Variants in MYBPC1 observed in about 807,000 individuals in gnomAD.
MYBPC1 encodes the protein myosin binding protein C1.
MYBPC1 carries 52 observed loss-of-function variants against 147.1 expected under a neutral mutation model. The observed-to-expected ratio is 0.35, with a 90% CI of 0.28 to 0.45. The LOEUF (loss-of-function observed/expected upper bound fraction) is 0.45. MYBPC1 is among the 20% of genes least tolerant of loss of function. The pLI, the probability that MYBPC1 is intolerant of heterozygous loss-of-function variation, is 1.00. For missense variants in MYBPC1, 1,228 were observed against 1,440.3 expected (o/e 0.85, Z 2.39); for synonymous variants, 477 against 475.9 (o/e 1.00, Z -0.03).
intron 12 of MYBPC1, among the ~76,000 whole-genome samples, chr12:101,645,868 A>G (rs958413039): frequency 4.6e-5 from 7 of 152,226 alleles, no homozygotes; most frequent in African/African-American, 1.7e-4. Flanking sequence ...AGTACATGTA[A>G]CTGTATGATA....
intron 25 of MYBPC1, 78 bp downstream of exon 25, chr12:101,673,700 CAGG>C: frequency 6.6e-7 from 1 of 1,506,148 alleles, no homozygotes; most frequent in East Asian, 2.3e-5. Context: ...AAGGCAAGAG[CAGG>C]AGTTTTGTTA....
downstream of MYBPC1, among the ~76,000 whole-genome samples, chr12:101,687,189 C>T (rs1417395842): frequency 6.6e-6 from 1 of 152,052 alleles, no homozygotes; most frequent in East Asian, 1.9e-4. Flanking sequence ...TCATCATTTA[C>T]ATTAGGTATA....
chr12:101,684,509 T>C, intron 31 of MYBPC1, 85 bp downstream of exon 31: 1 of 1,013,748 alleles, frequency 9.9e-7, no homozygotes, highest in Non-Finnish European at 1.5e-6. Flanking sequence ...TGATTTTCAT[T>C]ACATAATCCA....
intron 15 of MYBPC1, chr12:101,650,855 T>TCGCC: frequency 9.3e-6 from 3 of 322,512 alleles, no homozygotes; most frequent in Non-Finnish European, 1.8e-5. Context: ...TGAACTGTTG[T>TCGCC]GAAGCAGTAG....
chr12:101,693,417 A>G, the MYBPC1 span, among the ~76,000 whole-genome samples: 1 of 152,186 alleles, frequency 6.6e-6, no homozygotes, highest in African/African-American at 2.4e-5. Context: ...GGCCCCCCAC[A>G]ATACCCACTC....
intron 24 of MYBPC1, among the ~76,000 whole-genome samples, chr12:101,671,025 A>G (rs1254423696): frequency 6.6e-6 from 1 of 151,658 alleles, no homozygotes; most frequent in African/African-American, 2.4e-5. Flanking sequence ...CTTACTCTCC[A>G]ACTCCCTATT....
At chr12:101,659,292 C>A (rs1345585786) in intron 18 of MYBPC1, among the ~76,000 whole-genome samples, 2 of 152,200 alleles carry the variant, frequency 1.3e-5, no homozygotes, top group Non-Finnish European at 2.9e-5. Flanking sequence ...AGGGATTCCT[C>A]TCCTAGAATG....
chr12:101,650,319 C>T (rs534593941), intron 15 of MYBPC1, among the ~76,000 whole-genome samples: 136 of 152,224 alleles, frequency 8.9e-4, no homozygotes, highest in East Asian at 9.6e-4. Context: ...TTTATTAGTC[C>T]GTTCTCATGC....
intron 17 of MYBPC1, 55 bp downstream of exon 17, chr12:101,652,839 C>T: frequency 7.0e-7 from 1 of 1,428,936 alleles, no homozygotes; most frequent in East Asian, 2.3e-5. Context: ...TTTGCTTTTG[C>T]TTACCATGGA....
At chr12:101,631,912 A>G in intron 7 of MYBPC1, 109 bp from the exon 8 acceptor site, 1 of 1,293,032 alleles carries the variant, frequency 7.7e-7, no homozygotes, top group Non-Finnish European at 1.1e-6. Flanking sequence ...GCCCTCCTAT[A>G]GTGAGAACAT....
At chr12:101,651,428 G>T (rs1302040900) in intron 16 of MYBPC1, 35 bp downstream of exon 16, 2 of 1,612,008 alleles carry the variant, frequency 1.2e-6, no homozygotes, top group East Asian at 4.5e-5. Flanking sequence ...GTGAGGTTTG[G>T]TCCCATTTCT....
chr12:101,673,310 G>A (rs190279633), intron 24 of MYBPC1, 117 bp from the exon 25 acceptor site: 214 of 991,034 alleles, frequency 2.2e-4, no homozygotes, highest in Non-Finnish European at 1.3e-4. Context: ...GACTAGAAGG[G>A]TGGTATTTTC....
rs556762061 is a variant in MYBPC1, at chr12:101,662,478, G to A, written c.2153G>A (p.Arg718His). The A allele has an allele frequency of 3.9e-5, 63 of 1,614,080 alleles. No homozygotes were observed. The highest frequency in any genetic ancestry group is 5.1e-5 in the Non-Finnish European group (60 of 1,180,050). The change falls in exon 21 of 32, where the codon CGC becomes CAC. Residue 718 changes from arginine to histidine, a missense_variant. Around this residue, in one of 2 missense-constraint regions of MYBPC1, gnomAD observed 1,077 missense variants for 1,314.2 expected, o/e 0.82. Coordinates refer to ENST00000361466, the MANE Select transcript of MYBPC1 (RefSeq NM_002465.4). ...KMIEGVAYEVRIFAVNAIGIS... is the reference protein window; with the variant it reads ...KMIEGVAYEVHIFAVNAIGIS... The stretch of plus-strand genomic sequence containing the variant: ...ATTGAAGGTGTGGCCTATGAGGTCC[G>A]CATCTTTGCAGTCAATGCCATTGGC...
chr12:101,600,115 C>G (rs11110879), intron 1 of MYBPC1, among the ~76,000 whole-genome samples: 1 of 152,166 alleles, frequency 6.6e-6, no homozygotes. Flanking sequence ...AAGAAATTCC[C>G]TCTTGTTCCC....
intron 28 of MYBPC1, among the ~76,000 whole-genome samples, chr12:101,680,025 C>T (rs1467893580): frequency 6.6e-6 from 1 of 152,082 alleles, no homozygotes; most frequent in Non-Finnish European, 1.5e-5. Flanking sequence ...CATTCGATGC[C>T]CAGAACTTGT....
At chr12:101,599,611 G>A (rs78539297) in intron 1 of MYBPC1, among the ~76,000 whole-genome samples, 2,947 of 152,252 alleles carry the variant, frequency 0.019, 91 homozygotes, top group African/African-American at 0.068. Flanking sequence ...TCTTTGGAAA[G>A]TCATCTTATA....
chr12:101,664,353 C>A (rs1307307871), intron 22 of MYBPC1: 1 of 152,168 alleles, frequency 6.6e-6, no homozygotes, highest in East Asian at 1.9e-4. Context: ...TTGAAAATGG[C>A]TCTGGACTTG....
chr12:101,618,573 T>C (rs1565903830), intron 3 of MYBPC1, among the ~76,000 whole-genome samples: 1 of 152,192 alleles, frequency 6.6e-6, no homozygotes, highest in Admixed American at 6.5e-5. Context: ...GAGCAGATGA[T>C]GTAATCCCAG....
chr12:101,662,298 G>A, intron 20 of MYBPC1, 60 bp from the exon 21 acceptor site: 3 of 1,565,956 alleles, frequency 1.9e-6, no homozygotes, highest in Non-Finnish European at 1.7e-6. Flanking sequence ...TCTATTATCT[G>A]ACAATGTTTA....
Sources: gnomAD v4.1 joint callset for allele counts (sites outside exome capture counted in the v4.1 genomes callset) on GRCh38, gnomAD v4.1.1 for gene constraint, gnomAD v4.1.1 regional missense constraint, MANE v1.5 for transcripts, NCBI Gene and HGNC (gene_info 2026-07-23, HGNC 2026-07-21) for gene names.